The following KRT78 variants were observed in gnomAD, a reference collection of about 807,000 sequenced individuals.
The protein encoded by KRT78 is keratin, type II cytoskeletal 78.
In KRT78, 55 loss-of-function variants were observed where a neutral mutation model predicts 51.4. The observed-to-expected ratio is 1.07, with a 90% CI of 0.86 to 1.34. The LOEUF (loss-of-function observed/expected upper bound fraction) is 1.34, where lower values mean the gene tolerates loss of function less well. Among genes scored for constraint, KRT78 ranks in the 40% most tolerant of loss-of-function variants. The pLI, the probability that KRT78 is intolerant of heterozygous loss-of-function variation, is 0.00. For missense variants in KRT78, 652 were observed against 649.4 expected, an observed-to-expected ratio of 1.00 and a Z score of -0.04; for synonymous variants, 291 against 264.3, an observed-to-expected ratio of 1.10 and a Z score of -0.98.
Position 52,848,605 on chromosome 12 carries a change from G to C in KRT78, c.326C>G (p.Thr109Arg). Reference sequence around the variant, plus strand: ...GGTTCTGATCTCCTGGGTCTCCTGCGTCCGCACCACCTGGAACTGGGGATC... The same window carrying C: ...GGTTCTGATCTCCTGGGTCTCCTGCCTCCGCACCACCTGGAACTGGGGATC... The part of the protein sequence containing the change: ...EIDPQFQVVR[T>R]QETQEIRTLN... Residue 109 changes from threonine (T) to arginine (R), a missense_variant, in exon 1 of 9, where the codon ACG (threonine) becomes AGG (arginine). Transcript: ENST00000304620. The C allele has an allele frequency of 6.2e-7, 1 of 1,614,026 alleles. No individual in the cohort carries two copies. The highest frequency in any genetic ancestry group is 8.5e-7 in the Non-Finnish European group (1 of 1,179,982).
chr12:52,843,653 A>T (rs10876358), intron 6 of KRT78, among the ~76,000 whole-genome samples: 34,609 of 146,420 alleles, frequency 0.24, 7,023 homozygotes, highest in African/African-American at 0.55. Context: ...CACGCCACTG[A>T]ACTCCAACCT....
In KRT78 at chr12:52,844,612, C is replaced by T. The variant is rs375440936; in HGVS notation, c.868G>A (p.Glu290Lys). 1.9e-5 allele frequency: 30 copies of T among 1,614,036 alleles called. No homozygotes were observed. In the African/African-American group the frequency reaches 2.5e-4, roughly 14 times the overall value. Reference sequence around the variant, plus strand: ...GCCTTGCTGCTCCGGGCGATCTCCTCGTACCGGGCGCGGACCTCAGTGATG... The same window carrying T: ...GCCTTGCTGCTCCGGGCGATCTCCTTGTACCGGGCGCGGACCTCAGTGATG... ...SIITEVRARY[E>K]EIARSSKAEA... is the part of the protein sequence containing the mutation. Residue 290 changes from glutamate to lysine, a missense_variant, in exon 5 of 9, where the codon GAG becomes AAG. Transcript: ENST00000304620.
chr12:52,848,314 C>T, intron 1 of KRT78, 193 bp from the exon 2 acceptor site: 1 of 1,515,542 alleles, frequency 6.6e-7, no homozygotes, highest in East Asian at 2.4e-5. Flanking sequence ...ACTAATGGGG[C>T]AGGGCCTTCC....
Position 52,838,900 on chromosome 12 carries a change from G to A in KRT78, c.*213C>T. 3 of 607,154 alleles carry A rather than the reference G, an allele frequency of 4.9e-6. No homozygotes were observed. Among genetic ancestry groups the A allele is most frequent in the Non-Finnish European group, 8.7e-6 (3 of 346,802 alleles). 37.6% of individuals were successfully genotyped at this position (607,154 alleles called of 1,614,324 possible). ...CACAATTGCCTTCCGAGGAGAGGAA[G>A]CTGGGGAGCCACACAGCTTTTGTTT... On this transcript the variant is annotated 3_prime_UTR_variant, in exon 9 of 9. Transcript: ENST00000304620.
rs1186088633 is a variant in KRT78, at chr12:52,838,927, G to C, written c.*186C>G. The C allele has an allele frequency of 1.5e-6, 1 of 676,086 alleles. No individual in the cohort carries two copies. The highest frequency in any genetic ancestry group is 2.5e-6 in the Non-Finnish European group (1 of 406,822). 41.9% of individuals were successfully genotyped at this position (676,086 alleles called of 1,614,324 possible). Reference sequence around the variant, plus strand: ...TGGGGAGCCACACAGCTTTTGTTTTGCTGGGTGAGGTGTGCAAGCACTTAG... The same window carrying C: ...TGGGGAGCCACACAGCTTTTGTTTTCCTGGGTGAGGTGTGCAAGCACTTAG... On this transcript the variant is annotated 3_prime_UTR_variant, in exon 9 of 9. Transcript: ENST00000304620.
At position 52,847,958 on chromosome 12, in the gene KRT78, A is replaced by G. The variant is rs753399496; in HGVS notation, c.548T>C (p.Leu183Pro). The G allele has an allele frequency of 1.9e-6, 3 of 1,614,200 alleles. No homozygotes were observed. Among genetic ancestry groups the G allele is most frequent in the East Asian group, 4.5e-5 (2 of 44,884 alleles). The change falls in exon 2 of 9, where the codon CTG becomes CCG. Residue 183 changes from leucine to proline, a missense_variant. Coordinates refer to ENST00000304620, the MANE Select transcript of KRT78 (RefSeq NM_173352.4). Reference sequence around the variant, plus strand: ...CCGGCAGGCCTTCAACTCAGCATCCAGAGCCCCTCGTTCTCCCTGGAGCTG... The same window carrying G: ...CCGGCAGGCCTTCAACTCAGCATCCGGAGCCCCTCGTTCTCCCTGGAGCTG... Reference protein sequence around the residue: ...LEQLQGERGALDAELKACRDQ... With the variant: ...LEQLQGERGAPDAELKACRDQ...
Position 52,842,937 on chromosome 12 carries a change from A to AAG in KRT78, c.1047+1154_1047+1155dup, listed in dbSNP as rs35721226. ...ATGAAAGAAAGAAAGGAAAGAAAGA[A>AAG]AGAGAGAGAGAGAGAGAGAGAGAGG... On this transcript the variant is annotated intron_variant, in intron 6 of 8. Transcript: ENST00000304620. Among the ~76,000 whole-genome samples, 131 of 103,684 alleles carry AAG rather than the reference A, an allele frequency of 1.3e-3. 1 individual carries two copies. The highest frequency in any genetic ancestry group is 1.4e-3 in the Non-Finnish European group (79 of 57,744). 68.0% of individuals were successfully genotyped at this position (103,684 alleles called of 152,430 possible).
At chr12:52,845,364 G>A (rs926825261) in intron 4 of KRT78, among the ~76,000 whole-genome samples, 3 of 151,922 alleles carry the variant, frequency 2.0e-5, no homozygotes, top group Admixed American at 6.6e-5. Context: ...TGGCCACACC[G>A]ACCTTCCTGC....
intron 5 of KRT78, 97 bp downstream of exon 5, chr12:52,844,462 A>G: frequency 7.3e-7 from 1 of 1,377,240 alleles, no homozygotes; most frequent in Non-Finnish European, 1.0e-6. Flanking sequence ...AGGTAACTGG[A>G]ACTGCCCCAA....
Position 52,847,826 on chromosome 12 carries a change from G to A in KRT78, c.599+81C>T, listed in dbSNP as rs538795918. The A allele has an allele frequency of 1.6e-5, 20 of 1,253,012 alleles. No homozygotes were observed. In the African/African-American group the frequency reaches 2.3e-4, roughly 15 times the overall value. The allele number at this position is 1,253,012 out of a possible 1,614,324, so 77.6% of individuals were successfully genotyped here. ...TGTGCCTCTGGGTGCTCAGTATGTG[G>A]GACACCTCCTGGCTGACAGACCCAA... On this transcript the variant is annotated intron_variant, in intron 2 of 8. Coordinates refer to ENST00000304620, the MANE Select transcript of KRT78 (RefSeq NM_173352.4).
intron 4 of KRT78, among the ~76,000 whole-genome samples, 159 bp from the exon 5 acceptor site, chr12:52,844,882 T>C (rs1163281505): frequency 6.6e-6 from 1 of 152,022 alleles, no homozygotes; most frequent in Non-Finnish European, 1.5e-5. Flanking sequence ...GGACTCGATC[T>C]CCTCATTCAA....
chr12:52,848,703 G>GGA lies in KRT78; in HGVS notation c.226_227dup (p.Leu77ProfsTer11). 1 of 1,612,620 alleles carries GGA rather than the reference G, an allele frequency of 6.2e-7. No individual in the cohort carries two copies. Among genetic ancestry groups the GGA allele is most frequent in the Middle Eastern group, 1.7e-4 (1 of 6,056 alleles). ...CTTGGATGCCCCCCGGAGGGCACAG[G>GGA]GAGAGCCCAGGCCCACCACTCCACT... On this transcript the variant is annotated frameshift_variant, in exon 1 of 9. Transcript: ENST00000304620. LOFTEE classifies it high-confidence loss of function.
At chr12:52,844,999 C>T (rs1940607837) in intron 4 of KRT78, among the ~76,000 whole-genome samples, 1 of 151,432 alleles carries the variant, frequency 6.6e-6, no homozygotes, top group Non-Finnish European at 1.5e-5. Flanking sequence ...CTCCTCAGGC[C>T]TCTTTTTTTT....
chr12:52,841,792 G>A (rs775738174), intron 6 of KRT78, among the ~76,000 whole-genome samples: 1 of 152,184 alleles, frequency 6.6e-6, no homozygotes, highest in Non-Finnish European at 1.5e-5. Flanking sequence ...AGGGGACAGT[G>A]CTATATCTCC....
chr12:52,848,321 T>A (rs754368607), intron 1 of KRT78, 200 bp from the exon 2 acceptor site: 2 of 1,505,936 alleles, frequency 1.3e-6, no homozygotes, highest in Non-Finnish European at 1.8e-6. Flanking sequence ...GGGCAGGGCC[T>A]TCCCCCCGCT....
chr12:52,846,331 C>A (rs73106425), intron 3 of KRT78, 39 bp from the exon 4 acceptor site: 49,351 of 1,273,030 alleles, frequency 0.039, 1,088 homozygotes, highest in Non-Finnish European at 0.043. Flanking sequence ...ACCCCCTCTT[C>A]CTCTTTGGGG....
intron 6 of KRT78, among the ~76,000 whole-genome samples, chr12:52,840,568 A>G (rs1045489787): frequency 4.6e-5 from 7 of 152,110 alleles, no homozygotes; most frequent in Non-Finnish European, 1.0e-4. Flanking sequence ...TTAGCTGACC[A>G]TAGTGGCACG....
Position 52,848,971 on chromosome 12 carries a change from G to C in KRT78, c.-41C>G. The C allele has an allele frequency of 1.3e-6, 2 of 1,507,704 alleles. No homozygotes were observed. The highest frequency in any genetic ancestry group is 1.8e-6 in the Non-Finnish European group (2 of 1,135,938). 93.4% of individuals were successfully genotyped at this position (1,507,704 alleles called of 1,614,324 possible). ...TCACGCAGCTGCAGACGGACAGACA[G>C]ATTGTCAAGGTGTGTGAGTTTCTGC... On this transcript the variant is annotated 5_prime_UTR_variant, in exon 1 of 9. The change creates a new upstream start codon in the 5' untranslated region. Transcript: ENST00000304620.
Position 52,842,953 on chromosome 12 carries a change from G to GGA in KRT78, c.1047+1139_1047+1140insTC, listed in dbSNP as rs1565698672. Among the ~76,000 whole-genome samples the GGA allele has an allele frequency of 3.8e-4, 41 of 109,014 alleles. 2 individuals are homozygous for GGA. Among genetic ancestry groups the GGA allele is most frequent in the Middle Eastern group, 4.2e-3 (1 of 238 alleles). The allele number at this position is 109,014 out of a possible 152,430, so 71.5% of individuals were successfully genotyped here. On this transcript the variant is annotated intron_variant, in intron 6 of 8. Transcript: ENST00000304620. The stretch of plus-strand genomic sequence containing the variant: ...AAAGAAAGAAAGAGAGAGAGAGAGA[G>GGA]AGAGAGAGGAAGGAAGGAAGGAAGG...
Sources: allele counts gnomAD v4.1 joint callset (sites outside exome capture counted in the v4.1 genomes callset), GRCh38; gene constraint gnomAD v4.1.1; transcripts MANE v1.5; gene names NCBI Gene and HGNC (gene_info 2026-07-23, HGNC 2026-07-21).